The following DACH2 variants were observed in gnomAD, a reference collection of about 807,000 sequenced individuals.
DACH2 encodes dachshund homolog 2.
In DACH2, 17 loss-of-function variants were observed where a neutral mutation model predicts 35.8. The observed-to-expected ratio is 0.48, with a 90% CI of 0.33 to 0.71. DACH2 has a LOEUF of 0.71. Ranked by LOEUF, DACH2 falls within the 30% of genes least tolerant of loss-of-function variation. The pLI, the probability that DACH2 is intolerant of heterozygous loss-of-function variation, is 0.02. For missense variants in DACH2, 469 were observed against 472.7 expected (o/e 0.99, Z 0.07); for synonymous variants, 195 against 177.3 (o/e 1.10, Z -0.79).
At chrX:86,240,762 T>C (rs2033149736) in intron 1 of DACH2, among the ~76,000 whole-genome samples, 1 of 110,766 alleles carries the variant, frequency 9.0e-6, no homozygotes, top group African/African-American at 3.3e-5. Context: ...GATTGGATCA[T>C]GGGGGTGGAT....
intron 1 of DACH2, among the ~76,000 whole-genome samples, chrX:86,195,070 A>G (rs2031941227): frequency 8.9e-6 from 1 of 112,422 alleles, no homozygotes; most frequent in Non-Finnish European, 1.9e-5. Flanking sequence ...CTCCTTCCCC[A>G]CACTGCAGCT....
intron 1 of DACH2, among the ~76,000 whole-genome samples, chrX:86,344,599 T>C (rs1181484348): frequency 9.0e-6 from 1 of 111,383 alleles, no homozygotes; most frequent in Non-Finnish European, 1.9e-5. Flanking sequence ...TCACTTCCTA[T>C]TGGGAACTTC....
At chrX:86,593,289 C>A (rs925274085) in intron 3 of DACH2, among the ~76,000 whole-genome samples, 5 of 109,438 alleles carry the variant, frequency 4.6e-5, no homozygotes, top group East Asian at 2.8e-4. Flanking sequence ...TATTTTTATT[C>A]TTTATTCTCT....
At chrX:86,159,861 G>T (rs1416881527) in intron 1 of DACH2, among the ~76,000 whole-genome samples, 1 of 111,129 alleles carries the variant, frequency 9.0e-6, no homozygotes, top group Admixed American at 9.6e-5. Flanking sequence ...ATTATAAAAT[G>T]TTCTCAGCAT....
rs1220736657 is a variant in DACH2 at position 86,292,113 on chromosome X, G to T, written c.489-84711G>T. ...TGCCACAATTTCAGATCCTGTTATT[G>T]GTCTATTCAGAGATTCAACTTCTTC... On this transcript the variant is annotated intron_variant, in intron 1 of 11. Transcript: ENST00000373125. Among the ~76,000 whole-genome samples the T allele has an allele frequency of 8.2e-4, 52 of 63,124 alleles. 3 individuals are homozygous for T. The highest frequency in any genetic ancestry group is 9.2e-4 in the Non-Finnish European group (34 of 36,964). The allele number at this position is 63,124 out of a possible 115,157, so 54.8% of individuals were successfully genotyped here.
chrX:86,364,002 G>T (rs1318794126), intron 1 of DACH2, among the ~76,000 whole-genome samples: 1 of 111,307 alleles, frequency 9.0e-6, no homozygotes, highest in Non-Finnish European at 1.9e-5. Flanking sequence ...CCTATTAAAA[G>T]CCTTTAAAGA....
At chrX:86,707,498 C>G (rs1002074757) in intron 5 of DACH2, among the ~76,000 whole-genome samples, 32 of 111,441 alleles carry the variant, frequency 2.9e-4, no homozygotes, top group African/African-American at 1.0e-3. Context: ...TCAGAATTAC[C>G]TAAATACCAA....
chrX:86,791,492 A>C (rs774877774), intron 7 of DACH2, among the ~76,000 whole-genome samples: 1 of 111,391 alleles, frequency 9.0e-6, no homozygotes, highest in Non-Finnish European at 1.9e-5. Context: ...GAACAATCCC[A>C]CTTCAACCAC....
intron 1 of DACH2, among the ~76,000 whole-genome samples, chrX:86,294,198 T>C (rs1345126367): frequency 8.9e-6 from 1 of 111,985 alleles, no homozygotes. Flanking sequence ...TGATACGCTT[T>C]CTTCCAGTTG....
At chrX:86,335,840 C>G (rs2035297985) in intron 1 of DACH2, among the ~76,000 whole-genome samples, 1 of 111,703 alleles carries the variant, frequency 9.0e-6, no homozygotes. Flanking sequence ...TGTCATAGGG[C>G]ATGCTTCCAG....
chrX:86,305,613 A>G (rs969124975), intron 1 of DACH2, among the ~76,000 whole-genome samples: 3 of 111,433 alleles, frequency 2.7e-5, no homozygotes, highest in Admixed American at 1.9e-4. Context: ...CTGCATAGCA[A>G]AGGAAATAAT....
Position 86,832,527 on chromosome X carries a change from A to T in DACH2, c.*372A>T. Reference sequence around the variant, plus strand: ...GTATGGTTTCCCTGTTCTACTATACATAACGTTAAAGTACACCTTCTTTGT... The same window carrying T: ...GTATGGTTTCCCTGTTCTACTATACTTAACGTTAAAGTACACCTTCTTTGT... On this transcript the variant is annotated 3_prime_UTR_variant, in exon 12 of 12. Coordinates refer to ENST00000373125, the MANE Select transcript of DACH2 (RefSeq NM_053281.3). The T allele has an allele frequency of 7.1e-6, 1 of 141,674 alleles. No individual in the cohort carries two copies. Among genetic ancestry groups the T allele is most frequent in the Non-Finnish European group, 1.4e-5 (1 of 73,069 alleles). The allele number at this position is 141,674 out of a possible 1,213,427, so 11.7% of individuals were successfully genotyped here. A position where few individuals can be genotyped will look rare whatever the true frequency, so the allele number is the denominator to read the frequency against.
chrX:86,668,737 T>C (rs1054295727), intron 4 of DACH2, among the ~76,000 whole-genome samples: 5 of 111,809 alleles, frequency 4.5e-5, no homozygotes, highest in Non-Finnish European at 7.5e-5. Flanking sequence ...TAAGATCTAA[T>C]AAAAACTTCC....
intron 2 of DACH2, among the ~76,000 whole-genome samples, chrX:86,414,332 C>T (rs957215713): frequency 1.8e-5 from 2 of 111,734 alleles, no homozygotes; most frequent in African/African-American, 6.5e-5. Context: ...CAGAGCTCTA[C>T]ACAAGTCACA....
chrX:86,207,683 T>G (rs1169042535), intron 1 of DACH2, among the ~76,000 whole-genome samples: 1 of 111,501 alleles, frequency 9.0e-6, no homozygotes, highest in East Asian at 2.8e-4. Flanking sequence ...ATAAAACTAT[T>G]TTTGTGGATC....
chrX:86,686,786 G>A (rs2040949429), intron 4 of DACH2, among the ~76,000 whole-genome samples: 1 of 111,723 alleles, frequency 9.0e-6, no homozygotes, highest in Admixed American at 9.5e-5. Flanking sequence ...ACACTCAGCA[G>A]GTCATATGGA....
chrX:86,453,605 A>C (rs1393388628), intron 2 of DACH2, among the ~76,000 whole-genome samples: 2 of 111,292 alleles, frequency 1.8e-5, no homozygotes, highest in Non-Finnish European at 3.8e-5. Flanking sequence ...GTTGGTTTAA[A>C]GTCTGTTTTC....
intron 2 of DACH2, among the ~76,000 whole-genome samples, chrX:86,400,025 A>T (rs1302520351): frequency 9.0e-6 from 1 of 111,614 alleles, no homozygotes; most frequent in Admixed American, 9.5e-5. Flanking sequence ...CACCAATCAG[A>T]TGTAGATTTG....
At chrX:86,443,861 GT>G (rs760201046) in intron 2 of DACH2, among the ~76,000 whole-genome samples, 1 of 111,529 alleles carries the variant, frequency 9.0e-6, no homozygotes, top group Non-Finnish European at 1.9e-5. Flanking sequence ...CTTAATCGTG[GT>G]GACTAATATT....
Sources: gnomAD v4.1 joint callset for allele counts (sites outside exome capture counted in the v4.1 genomes callset) on GRCh38, gnomAD v4.1.1 for gene constraint, MANE v1.5 for transcripts, NCBI Gene and HGNC (gene_info 2026-07-23, HGNC 2026-07-21) for gene names.